ZNF407: variants seen among roughly 807,000 people sequenced by gnomAD.
ZNF407 encodes the protein zinc finger protein 407.
In ZNF407, 17 loss-of-function variants were observed where a neutral mutation model predicts 131.2. That is an observed-to-expected ratio of 0.13 (90% CI 0.09 to 0.19). The LOEUF is 0.19. ZNF407 is among the 10% of genes least tolerant of loss of function. The probability of loss-of-function intolerance (pLI) is 1.00; values close to 1 mark genes in which losing one functional copy is unlikely to be tolerated. For synonymous variants in ZNF407, 1,156 were observed against 1,062.0 expected (o/e 1.09, Z -1.72); for missense variants, 2,681 against 2,830.6 (o/e 0.95, Z 1.20).
rs577941141 is a variant in ZNF407 at position 74,654,111 on chromosome 18, C to A, written c.4802+12989C>A. On this transcript the variant is annotated intron_variant, in intron 3 of 8. Coordinates refer to ENST00000299687, the MANE Select transcript of ZNF407 (RefSeq NM_017757.3). ...GGAATAATTCTGCTGCTGATCATTT[C>A]TACTAAAAAAGAGAAATTGGTAGTA... is the stretch of plus-strand genomic sequence containing the variant. Among the ~76,000 whole-genome samples the A allele has an allele frequency of 2.6e-5, 4 of 151,830 alleles. No individual in the cohort carries two copies. In the South Asian group the frequency reaches 8.3e-4, roughly 31 times the overall value.
chr18:74,608,984 A>AAAGTTTG (rs1270553214), intron 1 of ZNF407, among the ~76,000 whole-genome samples: 1 of 152,140 alleles, frequency 6.6e-6, no homozygotes, highest in African/African-American at 2.4e-5. Context: ...TTTGGTGCAG[A>AAAGTTTG]AAGTTTGAAA....
intron 3 of ZNF407, among the ~76,000 whole-genome samples, chr18:74,652,560 A>T (rs979188974): frequency 1.3e-5 from 2 of 152,062 alleles, no homozygotes; most frequent in South Asian, 4.1e-4. Flanking sequence ...TGTAAAAATC[A>T]TGAAGGACCA....
At chr18:74,674,923 T>C (rs1986294817) in intron 3 of ZNF407, among the ~76,000 whole-genome samples, 1 of 152,222 alleles carries the variant, frequency 6.6e-6, no homozygotes, top group Non-Finnish European at 1.5e-5. Context: ...AATCACCAAA[T>C]GTATATCTCT....
chr18:74,628,678 T>A (rs1983909553), intron 1 of ZNF407, among the ~76,000 whole-genome samples: 1 of 152,152 alleles, frequency 6.6e-6, no homozygotes, highest in Admixed American at 6.5e-5. Context: ...CTTGAACTCC[T>A]GGACTCAAGC....
In ZNF407 at chr18:74,922,541, G is replaced by A. The variant is rs547751014; in HGVS notation, c.5428+1849G>A. On this transcript the variant is annotated intron_variant, in intron 8 of 8. Coordinates refer to ENST00000299687, the MANE Select transcript of ZNF407 (RefSeq NM_017757.3). ...TTGAGATAATATAAAGTTCAGTTGAGATAATATTTGGGAATTCATATATTA... is the reference window on the plus strand; with the variant it reads ...TTGAGATAATATAAAGTTCAGTTGAAATAATATTTGGGAATTCATATATTA... Among the ~76,000 whole-genome samples the A allele has an allele frequency of 4.4e-4, 67 of 152,304 alleles. 1 individual carries two copies. The highest frequency in any genetic ancestry group is 1.0e-3 in the South Asian group (5 of 4,828).
chr18:74,928,792 C>T (rs1409722779), intron 8 of ZNF407, among the ~76,000 whole-genome samples: 1 of 152,040 alleles, frequency 6.6e-6, no homozygotes, highest in African/African-American at 2.4e-5. Context: ...CCCTTCAGGG[C>T]CGGAGCTAGT....
chr18:74,769,538 A>G (rs1969317068), intron 3 of ZNF407, among the ~76,000 whole-genome samples: 1 of 152,202 alleles, frequency 6.6e-6, no homozygotes, highest in South Asian at 2.1e-4. Context: ...GGAGATTTCA[A>G]TTGGTCATGG....
intron 8 of ZNF407, among the ~76,000 whole-genome samples, chr18:74,982,324 C>G (rs1972602513): frequency 6.6e-6 from 1 of 152,226 alleles, no homozygotes; most frequent in African/African-American, 2.4e-5. Context: ...ACTGGTAAAA[C>G]CCAGACATTC....
chr18:74,791,074 G>A (rs1969816736), intron 4 of ZNF407, among the ~76,000 whole-genome samples: 1 of 152,108 alleles, frequency 6.6e-6, no homozygotes, highest in Non-Finnish European at 1.5e-5. Flanking sequence ...CTTACACTTA[G>A]TACTCATAGG....
At chr18:74,910,264 A>G (rs934720518) in intron 7 of ZNF407, among the ~76,000 whole-genome samples, 2 of 152,232 alleles carry the variant, frequency 1.3e-5, no homozygotes, top group African/African-American at 4.8e-5. Context: ...TTGTAAAAGC[A>G]GTAGTTCCAA....
chr18:74,925,366 C>A (rs867588455), intron 8 of ZNF407, among the ~76,000 whole-genome samples: 13 of 152,254 alleles, frequency 8.5e-5, no homozygotes, highest in African/African-American at 3.1e-4. Flanking sequence ...TTGCCTCTTC[C>A]CATTTATAAG....
intron 4 of ZNF407, among the ~76,000 whole-genome samples, chr18:74,812,666 C>G (rs745882634): frequency 7.9e-5 from 12 of 152,036 alleles, no homozygotes; most frequent in Non-Finnish European, 1.3e-4. Context: ...TGAAACTTCC[C>G]CCATTGCCTC....
At chr18:75,046,154 A>G (rs1973433112) in intron 8 of ZNF407, among the ~76,000 whole-genome samples, 1 of 152,156 alleles carries the variant, frequency 6.6e-6, no homozygotes, top group Non-Finnish European at 1.5e-5. Flanking sequence ...TGCATAACAC[A>G]GTCAGCTGCT....
intron 8 of ZNF407, among the ~76,000 whole-genome samples, chr18:75,028,213 G>A (rs1244268055): frequency 6.6e-6 from 1 of 152,226 alleles, no homozygotes; most frequent in Non-Finnish European, 1.5e-5. Context: ...ACCATGGGCT[G>A]GGCGGCTTAA....
chr18:74,900,034 C>T (rs1388617350), intron 7 of ZNF407, among the ~76,000 whole-genome samples: 4 of 152,162 alleles, frequency 2.6e-5, no homozygotes, highest in African/African-American at 7.2e-5. Flanking sequence ...CATTTGTTTG[C>T]GTAAAATCAC....
At position 74,698,574 on chromosome 18, in the gene ZNF407, C is replaced by T. The variant is rs567578314; in HGVS notation, c.4802+57452C>T. Reference sequence around the variant, plus strand: ...GAGGGGAACCTTCCCAGGTCACCCTCTCTCATTAATCCTTGCAGGGGACAT... The same window carrying T: ...GAGGGGAACCTTCCCAGGTCACCCTTTCTCATTAATCCTTGCAGGGGACAT... On this transcript the variant is annotated intron_variant, in intron 3 of 8. Transcript: ENST00000299687. Among the ~76,000 whole-genome samples, 205 of 152,306 alleles carry T rather than the reference C, an allele frequency of 1.3e-3. 1 individual carries two copies. Among genetic ancestry groups the T allele is most frequent in the Non-Finnish European group, 2.7e-3 (181 of 68,034 alleles).
Position 75,009,070 on chromosome 18 carries a change from T to C in ZNF407, c.5429-54080T>C, listed in dbSNP as rs74698555. Among the ~76,000 whole-genome samples the C allele has an allele frequency of 1.8e-3, 270 of 152,318 alleles. 1 individual carries two copies. The highest frequency in any genetic ancestry group is 6.3e-3 in the African/African-American group (260 of 41,562). On this transcript the variant is annotated intron_variant, in intron 8 of 8. Coordinates refer to ENST00000299687, the MANE Select transcript of ZNF407 (RefSeq NM_017757.3). Reference sequence around the variant, plus strand: ...TAATATTGAGTAGAATAGGCTCCCTTTCTCTTCTGTTTATTCCAGAATATA... The same window carrying C: ...TAATATTGAGTAGAATAGGCTCCCTCTCTCTTCTGTTTATTCCAGAATATA...
chr18:74,880,828 T>C (rs948417278), intron 5 of ZNF407, among the ~76,000 whole-genome samples: 2 of 152,244 alleles, frequency 1.3e-5, no homozygotes, highest in Non-Finnish European at 2.9e-5. Context: ...AAGCTAATTT[T>C]TATGGGTCTG....
At chr18:74,816,697 A>C (rs1970271837) in intron 4 of ZNF407, among the ~76,000 whole-genome samples, 2 of 152,228 alleles carry the variant, frequency 1.3e-5, no homozygotes, top group Admixed American at 1.3e-4. Flanking sequence ...TCAATACACA[A>C]AGTATTATTC....
Sources: gnomAD v4.1 joint callset for allele counts (sites outside exome capture counted in the v4.1 genomes callset) on GRCh38, gnomAD v4.1.1 for gene constraint, MANE v1.5 for transcripts, NCBI Gene and HGNC (gene_info 2026-07-23, HGNC 2026-07-21) for gene names.